LRP1B: variants seen among roughly 807,000 people sequenced by gnomAD.
LRP1B encodes the protein low-density lipoprotein receptor-related protein 1B.
LRP1B carries 217 observed loss-of-function variants against 556.6 expected under a neutral mutation model. That is an observed-to-expected ratio of 0.39 (90% CI 0.35 to 0.44). LRP1B has a LOEUF of 0.44. LRP1B is among the 20% of genes least tolerant of loss of function. The probability of loss-of-function intolerance (pLI) is 1.00; values close to 1 mark genes in which losing one functional copy is unlikely to be tolerated. For missense variants in LRP1B, 5,053 were observed against 5,620.8 expected (o/e 0.90, Z 3.23); for synonymous variants, 2,047 against 1,865.8 (o/e 1.10, Z -2.50).
chr2:140,326,654 A>G (rs1680496597), intron 79 of LRP1B, among the ~76,000 whole-genome samples: 1 of 152,014 alleles, frequency 6.6e-6, no homozygotes. Context: ...GGCAGAGGTC[A>G]GTGAGCTGAG....
At chr2:140,428,958 C>T (rs1048581862) in intron 66 of LRP1B, among the ~76,000 whole-genome samples, 1 of 152,130 alleles carries the variant, frequency 6.6e-6, no homozygotes, top group Non-Finnish European at 1.5e-5. Flanking sequence ...ACAGCCACAT[C>T]TCATTGCCAC....
chr2:141,767,452 C>G (rs1453212579), intron 2 of LRP1B, among the ~76,000 whole-genome samples: 1 of 152,058 alleles, frequency 6.6e-6, no homozygotes, highest in African/African-American at 2.4e-5. Flanking sequence ...TCGCTTAACT[C>G]TCCTCAAGTG....
chr2:142,049,757 T>C (rs1429022001), intron 1 of LRP1B, among the ~76,000 whole-genome samples: 1 of 152,138 alleles, frequency 6.6e-6, no homozygotes, highest in Admixed American at 6.6e-5. Context: ...AGCCATTTAT[T>C]GAAACACTGA....
At chr2:141,428,805 G>C (rs1680464078) in intron 3 of LRP1B, among the ~76,000 whole-genome samples, 1 of 152,098 alleles carries the variant, frequency 6.6e-6, no homozygotes, top group Non-Finnish European at 1.5e-5. Flanking sequence ...TTATTAGAAA[G>C]GTTCTTAGAA....
chr2:141,167,446 G>A (rs1158062993), intron 7 of LRP1B: 1 of 151,738 alleles, frequency 6.6e-6, no homozygotes, highest in Non-Finnish European at 1.5e-5. Flanking sequence ...GAATTGAGAA[G>A]ATATTCATTA....
At chr2:140,432,394 C>G (rs146332438) in intron 66 of LRP1B, among the ~76,000 whole-genome samples, 1 of 152,298 alleles carries the variant, frequency 6.6e-6, no homozygotes, top group South Asian at 2.1e-4. Flanking sequence ...CTTCACACAA[C>G]GAACATGAAC....
chr2:140,996,352 A>G (rs1389550751), intron 15 of LRP1B, among the ~76,000 whole-genome samples: 1 of 152,010 alleles, frequency 6.6e-6, no homozygotes, highest in Non-Finnish European at 1.5e-5. Flanking sequence ...AGCAATATCT[A>G]TTATAAAGAA....
At chr2:140,870,123 G>A (rs1032830713) in intron 25 of LRP1B, among the ~76,000 whole-genome samples, 2 of 151,584 alleles carry the variant, frequency 1.3e-5, no homozygotes, top group African/African-American at 4.8e-5. Flanking sequence ...TAAATATCCA[G>A]GAATGATTAA....
At chr2:141,997,015 C>T (rs1381618452) in intron 1 of LRP1B, among the ~76,000 whole-genome samples, 2 of 152,098 alleles carry the variant, frequency 1.3e-5, no homozygotes, top group Non-Finnish European at 2.9e-5. Context: ...ATGCCCAGAG[C>T]ATCACTCTGC....
At chr2:141,034,039 C>T (rs1485481331) in intron 11 of LRP1B, among the ~76,000 whole-genome samples, 1 of 152,044 alleles carries the variant, frequency 6.6e-6, no homozygotes, top group Non-Finnish European at 1.5e-5. Flanking sequence ...ATTTTAAGTG[C>T]AGTTAATTAT....
At chr2:140,392,125 AGGGAAAAGTCAAGCT>A (rs1684048028) in intron 66 of LRP1B, among the ~76,000 whole-genome samples, 1 of 152,186 alleles carries the variant, frequency 6.6e-6, no homozygotes, top group Admixed American at 6.6e-5. Context: ...CACTAAGACA[AGGGAAAAGTCAAGCT>A]GAGAATTACA....
At chr2:140,757,898 T>A (rs1238680683) in intron 35 of LRP1B, among the ~76,000 whole-genome samples, 1 of 152,020 alleles carries the variant, frequency 6.6e-6, no homozygotes, top group East Asian at 1.9e-4. Flanking sequence ...AATAAAATTT[T>A]AAAAAGGGAA....
intron 2 of LRP1B, among the ~76,000 whole-genome samples, chr2:141,696,960 C>A (rs1418095777): frequency 6.6e-6 from 1 of 151,810 alleles, no homozygotes; most frequent in Non-Finnish European, 1.5e-5. Flanking sequence ...TAATAATAAT[C>A]TTTTGTGTAT....
chr2:140,569,527 C>T, intron 43 of LRP1B, among the ~76,000 whole-genome samples: 1 of 151,722 alleles, frequency 6.6e-6, no homozygotes, highest in Admixed American at 6.6e-5. Flanking sequence ...TATATACACC[C>T]AACATTAGAG....
At chr2:141,382,987 G>T (rs777024290) in intron 3 of LRP1B, among the ~76,000 whole-genome samples, 4 of 152,104 alleles carry the variant, frequency 2.6e-5, no homozygotes, top group Non-Finnish European at 5.9e-5. Context: ...TCCGATAGAG[G>T]ATCAATATCC....
intron 58 of LRP1B, among the ~76,000 whole-genome samples, chr2:140,487,281 T>A (rs1362394172): frequency 6.6e-6 from 1 of 151,932 alleles, no homozygotes; most frequent in East Asian, 1.9e-4. Flanking sequence ...AGACTCAACT[T>A]TCTCTTTTAT....
intron 84 of LRP1B, among the ~76,000 whole-genome samples, chr2:140,294,016 G>T (rs1683504612): frequency 6.6e-6 from 1 of 152,130 alleles, no homozygotes; most frequent in Non-Finnish European, 1.5e-5. Context: ...ACCTCAGACT[G>T]TGATTCTATT....
chr2:141,285,550 G>T (rs1399386411), intron 3 of LRP1B, among the ~76,000 whole-genome samples: 1 of 144,726 alleles, frequency 6.9e-6, no homozygotes, highest in Non-Finnish European at 1.5e-5. Context: ...CCGCCTCCCA[G>T]GTTCAAGCGA....
intron 2 of LRP1B, among the ~76,000 whole-genome samples, chr2:141,793,395 A>G (rs1398464207): frequency 1.3e-5 from 2 of 151,996 alleles, no homozygotes; most frequent in Non-Finnish European, 2.9e-5. Context: ...ACTTTTGTAT[A>G]GTGCCTAAAG....
Sources: gnomAD v4.1 joint callset for allele counts (sites outside exome capture counted in the v4.1 genomes callset) on GRCh38, gnomAD v4.1.1 for gene constraint, MANE v1.5 for transcripts, NCBI Gene and HGNC (gene_info 2026-07-23, HGNC 2026-07-21) for gene names.